The following TRIM23 variants were observed in gnomAD, a reference collection of about 807,000 sequenced individuals.
TRIM23 encodes the protein E3 ubiquitin-protein ligase TRIM23.
Under a neutral mutation model 71.0 loss-of-function variants are expected in TRIM23, and 27 were observed. The ratio of observed to expected loss-of-function variants is 0.38; its 90% CI spans 0.28 to 0.52. The LOEUF is 0.52. Among genes scored for constraint, TRIM23 ranks in the 20% least tolerant of loss-of-function variants. The pLI is 0.84. For synonymous variants in TRIM23, 234 were observed against 238.0 expected (o/e 0.98, Z 0.16); for missense variants, 482 against 692.3 (o/e 0.70, Z 3.41).
In TRIM23 at chr5:65,590,402, TG is replaced by T. The variant is rs1456165551; in HGVS notation, c.*1366del. 49 of 1,438,426 alleles carry T rather than the reference TG, an allele frequency of 3.4e-5. No individual in the cohort carries two copies. The highest frequency in any genetic ancestry group is 4.0e-5 in the Non-Finnish European group (44 of 1,093,920). 89.1% of individuals were successfully genotyped at this position (1,438,426 alleles called of 1,614,324 possible). On this transcript the variant is annotated 3_prime_UTR_variant, in exon 11 of 11. Coordinates refer to ENST00000231524, the MANE Select transcript of TRIM23 (RefSeq NM_001656.4). ...ATGCTTTGTTTTCTAAAACTTGTATTGTTTTTAAACAAAAATAGATTTGAAA... is the reference window on the plus strand; with the variant it reads ...ATGCTTTGTTTTCTAAAACTTGTATTTTTTTAAACAAAAATAGATTTGAAA...
chr5:65,624,283 G>T lies in TRIM23; in HGVS notation c.-9C>A. The T allele has an allele frequency of 6.2e-7, 1 of 1,613,820 alleles. No homozygotes were observed. Among genetic ancestry groups the T allele is most frequent in the Non-Finnish European group, 8.5e-7 (1 of 1,180,006 alleles). ...ACAACCAGGGTAGCCATCCTCGCAG[G>T]GGAAGCGCCACAGAAACAGCCTTCA... On this transcript the variant is annotated 5_prime_UTR_variant, in exon 1 of 11. Coordinates refer to ENST00000231524, the MANE Select transcript of TRIM23 (RefSeq NM_001656.4).
intron 10 of TRIM23, among the ~76,000 whole-genome samples, chr5:65,593,071 T>C (rs1000123254): frequency 6.6e-6 from 1 of 152,206 alleles, no homozygotes; most frequent in African/African-American, 2.4e-5. Flanking sequence ...AAAGGTAGAA[T>C]TGCAGGGTAA....
At chr5:65,619,920 A>T (rs1367320741) in intron 1 of TRIM23, among the ~76,000 whole-genome samples, 1 of 152,112 alleles carries the variant, frequency 6.6e-6, no homozygotes, top group Non-Finnish European at 1.5e-5. Context: ...CATCTCTACT[A>T]AAAATACAAA....
chr5:65,621,167 G>A (rs465797), intron 1 of TRIM23, among the ~76,000 whole-genome samples: 94,323 of 152,028 alleles, frequency 0.62, 29,526 homozygotes, highest in South Asian at 0.65. Context: ...CCTGGCTAAC[G>A]TGGTGAAATC....
At chr5:65,605,320 G>C (rs997942943) in intron 6 of TRIM23, among the ~76,000 whole-genome samples, 7 of 152,178 alleles carry the variant, frequency 4.6e-5, no homozygotes, top group Admixed American at 4.6e-4. Flanking sequence ...CAAACATAAT[G>C]TGGAGTATAA....
In TRIM23 at chr5:65,591,751, C is replaced by A. The variant is rs746829642; in HGVS notation, c.*18G>T. The A allele has an allele frequency of 2.5e-6, 4 of 1,588,852 alleles. No homozygotes were observed. In the African/African-American group the frequency reaches 5.5e-5, roughly 22 times the overall value. On this transcript the variant is annotated 3_prime_UTR_variant, in exon 11 of 11. Transcript: ENST00000231524. ...TTACTTTTAACCACAAAACTTCAAA[C>A]AACTGCTGCCTTTAAAATCAAGCAA...
At position 65,601,908 on chromosome 5, in the gene TRIM23, G is replaced by T. The variant is rs547271262; in HGVS notation, c.1179+3003C>A. On this transcript the variant is annotated intron_variant, in intron 7 of 10. Transcript: ENST00000231524. ...TGGGACTCAGGGCATCAAGTCCCCA[G>T]GCTGCACACAGCATGGGGACCCTGG... Among the ~76,000 whole-genome samples, 140 of 152,260 alleles carry T rather than the reference G, an allele frequency of 9.2e-4. 2 individuals carry two copies. The highest frequency in any genetic ancestry group is 3.3e-3 in the Admixed American group (50 of 15,294).
chr5:65,599,680 G>A (rs1331114882), intron 7 of TRIM23, among the ~76,000 whole-genome samples: 4 of 152,150 alleles, frequency 2.6e-5, no homozygotes, highest in Non-Finnish European at 5.9e-5. Context: ...AATTTATATA[G>A]ATTCAATGCA....
intron 1 of TRIM23, among the ~76,000 whole-genome samples, chr5:65,619,577 G>A (rs1754870149): frequency 6.6e-6 from 1 of 152,220 alleles, no homozygotes. Context: ...CTTAGTGCTT[G>A]AGATGCAAAT....
intron 4 of TRIM23, 41 bp from the exon 5 acceptor site, chr5:65,611,084 T>C (rs1435184047): frequency 7.3e-6 from 11 of 1,513,766 alleles, no homozygotes; most frequent in South Asian, 1.3e-5. Context: ...ACTCATAGTA[T>C]TGACTAATAA....
Position 65,591,658 on chromosome 5 carries a change from T to TATATAC in TRIM23, c.*110_*111insGTATAT. 1 of 971,172 alleles carries TATATAC rather than the reference T, an allele frequency of 1.0e-6. No individual in the cohort carries two copies. The highest frequency in any genetic ancestry group is 1.4e-6 in the Non-Finnish European group (1 of 728,780). 60.2% of individuals were successfully genotyped at this position (971,172 alleles called of 1,614,324 possible). A position where few individuals can be genotyped will look rare whatever the true frequency, so the allele number is the denominator to read the frequency against. On this transcript the variant is annotated 3_prime_UTR_variant, in exon 11 of 11. Coordinates refer to ENST00000231524, the MANE Select transcript of TRIM23 (RefSeq NM_001656.4). The stretch of plus-strand genomic sequence containing the variant: ...TCCAAGATTCCTTTATATATATATA[T>TATATAC]ATATATATGCATCCTAAATTACCAT...
chr5:65,612,418 C>A (rs1299863547), intron 3 of TRIM23, among the ~76,000 whole-genome samples: 1 of 152,054 alleles, frequency 6.6e-6, no homozygotes, highest in African/African-American at 2.4e-5. Flanking sequence ...TGTGGATGAA[C>A]CCTAGACTTG....
At chr5:65,624,149 G>A (rs776109045) in intron 1 of TRIM23, 45 bp downstream of exon 1, 3 of 1,611,924 alleles carry the variant, frequency 1.9e-6, no homozygotes, top group Non-Finnish European at 2.5e-6. Context: ...AGGATGAACC[G>A]AAGGGAGGCC....
intron 1 of TRIM23, 139 bp downstream of exon 1, chr5:65,624,055 C>G: frequency 1.1e-6 from 1 of 904,158 alleles, no homozygotes; most frequent in Non-Finnish European, 1.7e-6. Flanking sequence ...GAGGACAGGA[C>G]GAGACTTGTA....
At chr5:65,604,031 C>T (rs1581180910) in intron 7 of TRIM23, among the ~76,000 whole-genome samples, 2 of 151,728 alleles carry the variant, frequency 1.3e-5, no homozygotes, top group African/African-American at 4.8e-5. Context: ...GGGCTCAAGC[C>T]ATCCTCTCAC....
At chr5:65,592,287 A>G (rs1025348156) in intron 10 of TRIM23, among the ~76,000 whole-genome samples, 3 of 152,156 alleles carry the variant, frequency 2.0e-5, no homozygotes, top group Non-Finnish European at 2.9e-5. Flanking sequence ...GTGCAGTGAC[A>G]TGATCTTGGC....
intron 1 of TRIM23, among the ~76,000 whole-genome samples, chr5:65,621,022 C>T (rs464770): frequency 6.6e-6 from 1 of 151,502 alleles, no homozygotes; most frequent in Non-Finnish European, 1.5e-5. Context: ...AGAGTGAGAA[C>T]CTGCCTCAAA....
At chr5:65,619,986 G>A (rs1344706536) in intron 1 of TRIM23, among the ~76,000 whole-genome samples, 6 of 152,176 alleles carry the variant, frequency 3.9e-5, no homozygotes, top group African/African-American at 1.4e-4. Flanking sequence ...TCAGGAGGCT[G>A]AGGCAGGATA....
chr5:65,596,071 GA>G, intron 9 of TRIM23, among the ~76,000 whole-genome samples: 1 of 152,038 alleles, frequency 6.6e-6, no homozygotes, highest in Non-Finnish European at 1.5e-5. Context: ...GAATTCAGCA[GA>G]ATCATACAAC....
Sources: gnomAD v4.1 joint callset for allele counts (sites outside exome capture counted in the v4.1 genomes callset) on GRCh38, gnomAD v4.1.1 for gene constraint, MANE v1.5 for transcripts, NCBI Gene and HGNC (gene_info 2026-07-23, HGNC 2026-07-21) for gene names.